The following PSKH1 variants were observed in gnomAD, a reference collection of about 807,000 sequenced individuals.
PSKH1 encodes serine/threonine-protein kinase H1.
A neutral mutation model predicts 26.7 loss-of-function variants in PSKH1; 12 were observed. The observed-to-expected ratio is 0.45, with a 90% CI of 0.29 to 0.73. PSKH1 has a LOEUF of 0.73. Ranked by LOEUF, PSKH1 falls within the 30% of genes least tolerant of loss-of-function variation. The pLI, the probability that PSKH1 is intolerant of heterozygous loss-of-function variation, is 0.11. For missense variants in PSKH1, 431 were observed against 595.2 expected, an observed-to-expected ratio of 0.72 and a Z score of 2.87; for synonymous variants, 213 against 234.3, an observed-to-expected ratio of 0.91 and a Z score of 0.83.
rs2058230635 is a variant in PSKH1, at chr16:67,929,591, T to C, written c.*1949T>C. The stretch of plus-strand genomic sequence containing the variant: ...CCTGTGGATGGAGAATGTGCAGTTA[T>C]TTATTATGCGTATTCAGTTTGTAAA... On this transcript the variant is annotated 3_prime_UTR_variant, in exon 3 of 3. Coordinates refer to ENST00000291041, the MANE Select transcript of PSKH1 (RefSeq NM_006742.3). The C allele has an allele frequency of 7.9e-6, 2 of 254,344 alleles. No homozygotes were observed. Among genetic ancestry groups the C allele is most frequent in the South Asian group, 6.6e-5 (1 of 15,148 alleles). The allele number at this position is 254,344 out of a possible 1,614,324, so 15.8% of individuals were successfully genotyped here.
intron 2 of PSKH1, among the ~76,000 whole-genome samples, chr16:67,921,895 T>C (rs1044341366): frequency 1.3e-5 from 2 of 151,990 alleles, no homozygotes; most frequent in African/African-American, 4.8e-5. Flanking sequence ...CATTTTGTTA[T>C]CCATTTCAAG....
chr16:67,901,228 G>A (rs769931196), intron 1 of PSKH1, among the ~76,000 whole-genome samples: 6 of 152,116 alleles, frequency 3.9e-5, no homozygotes, highest in Non-Finnish European at 5.9e-5. Context: ...TCTTTACAGA[G>A]TTTCTGATTG....
intron 1 of PSKH1, among the ~76,000 whole-genome samples, chr16:67,903,665 C>A (rs2058147790): frequency 6.6e-6 from 1 of 151,798 alleles, no homozygotes; most frequent in African/African-American, 2.4e-5. Flanking sequence ...CCCACACATC[C>A]AAAACTGAAC....
At chr16:67,923,616 G>A (rs7202287) in intron 2 of PSKH1, among the ~76,000 whole-genome samples, 6 of 152,268 alleles carry the variant, frequency 3.9e-5, no homozygotes, top group South Asian at 2.1e-4. Flanking sequence ...TCTGTGCCTC[G>A]TGCTCCACGT....
At chr16:67,918,990 GC>G (rs1684410894) in intron 2 of PSKH1, among the ~76,000 whole-genome samples, 1 of 152,164 alleles carries the variant, frequency 6.6e-6, no homozygotes, top group Admixed American at 6.5e-5. Context: ...AGGTGACGGG[GC>G]TTGGTTATGC....
chr16:67,926,770 C>T (rs1015119814), intron 2 of PSKH1, among the ~76,000 whole-genome samples: 9 of 151,786 alleles, frequency 5.9e-5, no homozygotes, highest in African/African-American at 9.7e-5. Context: ...TGCCCTCAGC[C>T]GACTGGGAAA....
chr16:67,904,983 C>T lies in PSKH1; in HGVS notation c.-70-3697C>T, dbSNP rs139093617. On this transcript the variant is annotated intron_variant, in intron 1 of 2. Transcript: ENST00000291041. ...CTGAGACTACAGGCACCCACCACCA[C>T]GTCCGGCTAATTTTTTGTATTTTTA... 2.0e-3 allele frequency among the ~76,000 whole-genome samples: 298 copies of T among 152,046 alleles called. 3 individuals are homozygous for T. The highest frequency in any genetic ancestry group is 7.0e-3 in the African/African-American group (288 of 41,414).
Position 67,927,561 on chromosome 16 carries a change from A to G in PSKH1, c.1194A>G (p.Thr398=). The change falls in exon 3 of 3, where the codon ACA becomes ACG. Residue 398 remains threonine, a synonymous_variant. Transcript: ENST00000291041. This position sits in a 1 kb window ranked among gnomAD's most constrained non-coding sequence, Gnocchi z 5.5. ...SAQSTRSSRS[T]RSNKSRRVRE... is the part of the protein sequence containing the mutation. ...AGTCCACGCGTTCCAGCCGCTCCAC[A>G]CGCTCCAATAAGTCACGCCGTGTGC... The G allele has an allele frequency of 6.2e-7, 1 of 1,613,918 alleles. No homozygotes were observed.
At chr16:67,914,378 C>G (rs2058181120) in intron 2 of PSKH1, among the ~76,000 whole-genome samples, 4 of 151,994 alleles carry the variant, frequency 2.6e-5, no homozygotes, top group Admixed American at 2.6e-4. Context: ...GTCTCGAACT[C>G]CCAACCTCAG....
In PSKH1 at chr16:67,893,384, G is replaced by A. The variant is rs2058117104; in HGVS notation, c.-71+13G>A. ...CCGCCCGCGCGAGGTGAGGCGGCCCGGCCCAGGACGACGGCCCGACGGGCG... is the reference window on the plus strand; with the variant it reads ...CCGCCCGCGCGAGGTGAGGCGGCCCAGCCCAGGACGACGGCCCGACGGGCG... On this transcript the variant is annotated intron_variant, in intron 1 of 2. Coordinates refer to ENST00000291041, the MANE Select transcript of PSKH1 (RefSeq NM_006742.3). The A allele has an allele frequency of 1.3e-5, 2 of 152,362 alleles. No individual in the cohort carries two copies. 9.4% of individuals were successfully genotyped at this position (152,362 alleles called of 1,614,324 possible).
chr16:67,902,286 A>T (rs2058144115), intron 1 of PSKH1, among the ~76,000 whole-genome samples: 1 of 151,858 alleles, frequency 6.6e-6, no homozygotes, highest in African/African-American at 2.4e-5. Context: ...ATAAAAATGA[A>T]TCGAAAAGTT....
chr16:67,911,884 G>T (rs1014933649), intron 2 of PSKH1, among the ~76,000 whole-genome samples: 9 of 152,244 alleles, frequency 5.9e-5, no homozygotes, highest in Non-Finnish European at 1.0e-4. Context: ...ACAAGGAAGG[G>T]AGGGAAGCTT....
intron 1 of PSKH1, among the ~76,000 whole-genome samples, chr16:67,901,534 G>A (rs767179375): frequency 6.7e-6 from 1 of 150,190 alleles, no homozygotes; most frequent in Non-Finnish European, 1.5e-5. Flanking sequence ...GGGTTTCACC[G>A]TGTTGCCCAG....
intron 1 of PSKH1, among the ~76,000 whole-genome samples, chr16:67,900,164 G>T (rs1190828224): frequency 1.3e-5 from 2 of 151,438 alleles, no homozygotes; most frequent in African/African-American, 4.9e-5. Flanking sequence ...GTTTCACCAT[G>T]TTGGCCAGGC....
intron 1 of PSKH1, among the ~76,000 whole-genome samples, chr16:67,899,331 A>ATTTTTTTT (rs555492519): frequency 7.8e-6 from 1 of 128,278 alleles, no homozygotes; most frequent in Non-Finnish European, 1.6e-5. Context: ...GCCAGACCAC[A>ATTTTTTTT]TTTTTTTTTT....
Position 67,929,617 on chromosome 16 carries a change from C to G in PSKH1, c.*1975C>G. On this transcript the variant is annotated 3_prime_UTR_variant, in exon 3 of 3. Coordinates refer to ENST00000291041, the MANE Select transcript of PSKH1 (RefSeq NM_006742.3). ...TTATTATGCGTATTCAGTTTGTAAA[C>G]GTATCCTCTGTATTCAGTAAACAGG... The G allele has an allele frequency of 2.7e-6, 1 of 363,988 alleles. No homozygotes were observed. Among genetic ancestry groups the G allele is most frequent in the Non-Finnish European group, 5.1e-6 (1 of 195,396 alleles). 22.5% of individuals were successfully genotyped at this position (363,988 alleles called of 1,614,324 possible).
chr16:67,922,601 A>T (rs1178070069), intron 2 of PSKH1, among the ~76,000 whole-genome samples: 1 of 152,186 alleles, frequency 6.6e-6, no homozygotes, highest in East Asian at 1.9e-4. Flanking sequence ...TGGCCACGTG[A>T]AGGAAAAGGT....
chr16:67,908,757 G>A lies in PSKH1; in HGVS notation c.8G>A (p.Cys3Tyr). MG[C>Y]GTSKVLPEPP... ...GATGCCCTCGTGTCCGTGATGGGCT[G>A]TGGGACAAGCAAGGTCCTTCCCGAG... Residue 3 changes from cysteine to tyrosine, a missense_variant, in exon 2 of 3, where the codon TGT (cysteine) becomes TAT (tyrosine). By Grantham distance (194) the Cys-to-Tyr change is radical. Coordinates refer to ENST00000291041, the MANE Select transcript of PSKH1 (RefSeq NM_006742.3). 1.9e-6 allele frequency: 3 copies of A among 1,583,650 alleles called. No homozygotes were observed. The highest frequency in any genetic ancestry group is 1.7e-5 in the Admixed American group (1 of 58,106).
At position 67,909,751 on chromosome 16, in the gene PSKH1, C is replaced by G; in HGVS notation, c.957+45C>G. On this transcript the variant is annotated intron_variant, in intron 2 of 2. Coordinates refer to ENST00000291041, the MANE Select transcript of PSKH1 (RefSeq NM_006742.3). The surrounding 1 kb of genome is among the most constrained non-coding windows in gnomAD (Gnocchi z 7.8). ...GTCCTGGATGTTGGGGAGGCACCTGCGGGGGCAGGTATATCCTGCAGCTCT... is the reference window on the plus strand; with the variant it reads ...GTCCTGGATGTTGGGGAGGCACCTGGGGGGGCAGGTATATCCTGCAGCTCT... 1.3e-6 allele frequency: 2 copies of G among 1,549,922 alleles called. No individual in the cohort carries two copies. Among genetic ancestry groups the G allele is most frequent in the Admixed American group, 1.7e-5 (1 of 57,530 alleles).
Sources: allele counts gnomAD v4.1 joint callset (sites outside exome capture counted in the v4.1 genomes callset), GRCh38; gene constraint gnomAD v4.1.1; non-coding constraint Gnocchi (gnomAD v3.1); transcripts MANE v1.5; gene names NCBI Gene and HGNC (gene_info 2026-07-23, HGNC 2026-07-21).